CALHM5: variants seen among roughly 807,000 people sequenced by gnomAD.
The protein encoded by CALHM5 is calcium homeostasis modulator protein 5.
Under a neutral mutation model 20.9 loss-of-function variants are expected in CALHM5, and 17 were observed. That is an observed-to-expected ratio of 0.82 (90% CI 0.56 to 1.22). CALHM5 has a LOEUF of 1.22. Among genes scored for constraint, CALHM5 ranks in the 50% most tolerant of loss-of-function variants. The pLI is 0.00. For missense variants in CALHM5, 360 were observed against 364.6 expected (o/e 0.99, Z 0.10); for synonymous variants, 148 against 140.0 (o/e 1.06, Z -0.40).
rs1279117759 is a variant in CALHM5, at chr6:116,516,240, A to G, written c.*251A>G. ...GCTCAGTAGGCCTAAATGTTGCTCC[A>G]AGATCTAAGATTTTATCATTCAACA... On this transcript the variant is annotated 3_prime_UTR_variant, in exon 2 of 2. Coordinates refer to ENST00000368599, the MANE Select transcript of CALHM5 (RefSeq NM_153711.5). The G allele has an allele frequency of 1.1e-5, 4 of 361,512 alleles. No individual in the cohort carries two copies. The East Asian group carries it at 1.3e-4, about 12-fold the overall frequency. 22.4% of individuals were successfully genotyped at this position (361,512 alleles called of 1,614,324 possible).
rs1772385737 is a variant in CALHM5, at chr6:116,523,597, A to T, written c.*7608A>T. 6.6e-6 allele frequency: 1 copy of T among 152,194 alleles called. No individual in the cohort carries two copies. Among genetic ancestry groups the T allele is most frequent in the Non-Finnish European group, 1.5e-5 (1 of 68,032 alleles). 9.4% of individuals were successfully genotyped at this position (152,194 alleles called of 1,614,324 possible). Reference sequence around the variant, plus strand: ...TTAGGTGAAAGCAGAATGGGGTCAGACCTATGCAATTTGAAGCCACTCATC... The same window carrying T: ...TTAGGTGAAAGCAGAATGGGGTCAGTCCTATGCAATTTGAAGCCACTCATC... On this transcript the variant is annotated 3_prime_UTR_variant, in exon 2 of 2. Transcript: ENST00000368599.
chr6:116,512,159 A>G lies in CALHM5; in HGVS notation c.463A>G (p.Lys155Glu). The G allele has an allele frequency of 1.9e-6, 3 of 1,613,164 alleles. No individual in the cohort carries two copies. Among genetic ancestry groups the G allele is most frequent in the Non-Finnish European group, 2.5e-6 (3 of 1,179,970 alleles). Residue 155 changes from lysine (K) to glutamate (E), a missense_variant, in exon 1 of 2, where the codon AAA becomes GAA. Coordinates refer to ENST00000368599, the MANE Select transcript of CALHM5 (RefSeq NM_153711.5). ...CAAAGAGTGCTGGGAAGAACTTCAC[A>G]AAGTATCTTGTGGCAAAACTAGCAT... ...KPKECWEELH[K>E]VSCGKTSMLP...
rs1772253353 is a variant in CALHM5 at position 116,517,593 on chromosome 6, C to T, written c.*1604C>T. 6.6e-6 allele frequency: 1 copy of T among 152,120 alleles called. No homozygotes were observed. Among genetic ancestry groups the T allele is most frequent in the African/African-American group, 2.4e-5 (1 of 41,410 alleles). The allele number at this position is 152,120 out of a possible 1,614,324, so 9.4% of individuals were successfully genotyped here. The stretch of plus-strand genomic sequence containing the variant: ...AATCCTACAAGTATAGGACCCAGAA[C>T]ATATCTATGTTATTGTCATTTACAA... On this transcript the variant is annotated 3_prime_UTR_variant, in exon 2 of 2. Coordinates refer to ENST00000368599, the MANE Select transcript of CALHM5 (RefSeq NM_153711.5).
rs1772361700 is a variant in CALHM5 at position 116,522,366 on chromosome 6, T to C, written c.*6377T>C. The C allele has an allele frequency of 6.6e-6, 1 of 152,222 alleles. No homozygotes were observed. The highest frequency in any genetic ancestry group is 2.1e-4 in the South Asian group (1 of 4,830). 9.4% of individuals were successfully genotyped at this position (152,222 alleles called of 1,614,324 possible). A position where few individuals can be genotyped will look rare whatever the true frequency, so the allele number is the denominator to read the frequency against. ...TTTAAGCCACTGAATTTTGGGGCAA[T>C]ATGAAGCGACAGAACCTGAACACTA... On this transcript the variant is annotated 3_prime_UTR_variant, in exon 2 of 2. Coordinates refer to ENST00000368599, the MANE Select transcript of CALHM5 (RefSeq NM_153711.5).
In CALHM5 at chr6:116,521,928, C is replaced by A. The variant is rs1772350126; in HGVS notation, c.*5939C>A. On this transcript the variant is annotated 3_prime_UTR_variant, in exon 2 of 2. Transcript: ENST00000368599. ...TCTCTTACAATGTTGCAATGCTCAACAGTCTGGTAAAAGCCACTATGTAAG... is the reference window on the plus strand; with the variant it reads ...TCTCTTACAATGTTGCAATGCTCAAAAGTCTGGTAAAAGCCACTATGTAAG... 1 of 152,130 alleles carries A rather than the reference C, an allele frequency of 6.6e-6. No homozygotes were observed. Among genetic ancestry groups the A allele is most frequent in the Non-Finnish European group, 1.5e-5 (1 of 68,030 alleles). 9.4% of individuals were successfully genotyped at this position (152,130 alleles called of 1,614,324 possible). A position where few individuals can be genotyped will look rare whatever the true frequency, so the allele number is the denominator to read the frequency against.
In CALHM5 at chr6:116,515,694, T is replaced by C; in HGVS notation, c.635T>C (p.Leu212Pro). The C allele has an allele frequency of 1.2e-6, 2 of 1,614,006 alleles. No homozygotes were observed. The highest frequency in any genetic ancestry group is 1.7e-6 in the Non-Finnish European group (2 of 1,179,920). Residue 212 changes from leucine to proline, a missense_variant, in exon 2 of 2, where the codon CTG (leucine) becomes CCG (proline). Physicochemically the swap from Leu to Pro is moderately conservative, Grantham distance 98 (BLOSUM62 -3). Transcript: ENST00000368599. ...RCRSKVSYLQLSFWKTYAQKE... is the reference protein window; with the variant it reads ...RCRSKVSYLQPSFWKTYAQKE... ...CGATCTAAAGTTAGCTACCTTCAGC[T>C]GAGTTTTTGGAAGACATATGCACAA... is the stretch of plus-strand genomic sequence containing the variant.
chr6:116,514,922 A>T (rs1772193497), intron 1 of CALHM5, among the ~76,000 whole-genome samples: 1 of 152,242 alleles, frequency 6.6e-6, no homozygotes, highest in African/African-American at 2.4e-5. Context: ...GAGCCAAAAA[A>T]GTTAGAAGAT....
rs1772375226 is a variant in CALHM5, at chr6:116,523,087, G to C, written c.*7098G>C. The C allele has an allele frequency of 6.6e-6, 1 of 151,914 alleles. No homozygotes were observed. Among genetic ancestry groups the C allele is most frequent in the African/African-American group, 2.4e-5 (1 of 41,308 alleles). The allele number at this position is 151,914 out of a possible 1,614,324, so 9.4% of individuals were successfully genotyped here. A position where few individuals can be genotyped will look rare whatever the true frequency, so the allele number is the denominator to read the frequency against. On this transcript the variant is annotated 3_prime_UTR_variant, in exon 2 of 2. Coordinates refer to ENST00000368599, the MANE Select transcript of CALHM5 (RefSeq NM_153711.5). The stretch of plus-strand genomic sequence containing the variant: ...GTTCTCAGGTGATACTGATGCTGCT[G>C]GTCTAGGGACTACATCTTGAAAATA...
rs558078804 is a variant in CALHM5, at chr6:116,519,553, TA to T, written c.*3566del. ...CCAATGGTCATACTAATGTTTGCCA[TA>T]ACAGTCTCTTCTAGGTCTAGACTTG... On this transcript the variant is annotated 3_prime_UTR_variant, in exon 2 of 2. Transcript: ENST00000368599. The T allele has an allele frequency of 2.0e-5, 3 of 152,332 alleles. No homozygotes were observed. In the South Asian group the frequency reaches 6.2e-4, roughly 32 times the overall value. The allele number at this position is 152,332 out of a possible 1,614,324, so 9.4% of individuals were successfully genotyped here. A position where few individuals can be genotyped will look rare whatever the true frequency, so the allele number is the denominator to read the frequency against.
In CALHM5 at chr6:116,515,670, G is replaced by T; in HGVS notation, c.611G>T (p.Arg204Leu). 6.2e-7 allele frequency: 1 copy of T among 1,613,930 alleles called. No individual in the cohort carries two copies. The highest frequency in any genetic ancestry group is 1.7e-4 in the Middle Eastern group (1 of 6,060). The change falls in exon 2 of 2, where the codon CGA (arginine) becomes CTA (leucine). Residue 204 changes from arginine (R) to leucine (L), a missense_variant. By Grantham distance (102) the Arg-to-Leu change is moderately radical. Transcript: ENST00000368599. ...CTCACCACATGTTATGCTCGCTGCC[G>T]ATCTAAAGTTAGCTACCTTCAGCTG... ...SLLTTCYARC[R>L]SKVSYLQLSF...
At position 116,523,564 on chromosome 6, in the gene CALHM5, C is replaced by A. The variant is rs1772384984; in HGVS notation, c.*7575C>A. 1.3e-5 allele frequency: 2 copies of A among 152,068 alleles called. No homozygotes were observed. Among genetic ancestry groups the A allele is most frequent in the African/African-American group, 4.8e-5 (2 of 41,394 alleles). 9.4% of individuals were successfully genotyped at this position (152,068 alleles called of 1,614,324 possible). ...GGATCTAGACAATAAATAATGAATT[C>A]TAAACTATTAGGTGAAAGCAGAATG... is the stretch of plus-strand genomic sequence containing the variant. On this transcript the variant is annotated 3_prime_UTR_variant, in exon 2 of 2. Coordinates refer to ENST00000368599, the MANE Select transcript of CALHM5 (RefSeq NM_153711.5).
Position 116,518,093 on chromosome 6 carries a change from T to G in CALHM5, c.*2104T>G, listed in dbSNP as rs1365326238. 6.6e-6 allele frequency: 1 copy of G among 152,158 alleles called. No individual in the cohort carries two copies. The highest frequency in any genetic ancestry group is 1.5e-5 in the Non-Finnish European group (1 of 68,030). 9.4% of individuals were successfully genotyped at this position (152,158 alleles called of 1,614,324 possible). A position where few individuals can be genotyped will look rare whatever the true frequency, so the allele number is the denominator to read the frequency against. ...GATGATAGTAAATAAAGCCCTTTCC[T>G]GAGTTCTGTGAGCTACTCTAGCAAA... is the stretch of plus-strand genomic sequence containing the variant. On this transcript the variant is annotated 3_prime_UTR_variant, in exon 2 of 2. Coordinates refer to ENST00000368599, the MANE Select transcript of CALHM5 (RefSeq NM_153711.5).
intron 1 of CALHM5, 21 bp from the exon 2 acceptor site, chr6:116,515,579 C>A (rs896145016): frequency 6.3e-7 from 1 of 1,590,724 alleles, no homozygotes; most frequent in Non-Finnish European, 8.6e-7. Flanking sequence ...CGTGTGTACT[C>A]AATATTTCTT....
At position 116,521,513 on chromosome 6, in the gene CALHM5, A is replaced by AGAGG. The variant is rs1214913388; in HGVS notation, c.*5528_*5531dup. On this transcript the variant is annotated 3_prime_UTR_variant, in exon 2 of 2. Coordinates refer to ENST00000368599, the MANE Select transcript of CALHM5 (RefSeq NM_153711.5). ...TTGGTGACCCAACTCGAGTGGAGAG[A>AGAGG]GAGGGAGAGAGAGAGAGACAGAGAG... 3.4e-5 allele frequency: 4 copies of AGAGG among 118,444 alleles called. No homozygotes were observed. Among genetic ancestry groups the AGAGG allele is most frequent in the Non-Finnish European group, 7.9e-5 (4 of 50,454 alleles). The allele number at this position is 118,444 out of a possible 1,614,324, so 7.3% of individuals were successfully genotyped here. A position where few individuals can be genotyped will look rare whatever the true frequency, so the allele number is the denominator to read the frequency against.
rs1772366747 is a variant in CALHM5, at chr6:116,522,682, G to A, written c.*6693G>A. 6.6e-6 allele frequency: 1 copy of A among 152,100 alleles called. No individual in the cohort carries two copies. Among genetic ancestry groups the A allele is most frequent in the Non-Finnish European group, 1.5e-5 (1 of 68,006 alleles). The allele number at this position is 152,100 out of a possible 1,614,324, so 9.4% of individuals were successfully genotyped here. A position where few individuals can be genotyped will look rare whatever the true frequency, so the allele number is the denominator to read the frequency against. The stretch of plus-strand genomic sequence containing the variant: ...GGAGTAACACATTAAACTATTATTT[G>A]TCATTAATATCTACGAAAAAATAGC... On this transcript the variant is annotated 3_prime_UTR_variant, in exon 2 of 2. Coordinates refer to ENST00000368599, the MANE Select transcript of CALHM5 (RefSeq NM_153711.5).
rs972897960 is a variant in CALHM5 at position 116,516,504 on chromosome 6, T to C, written c.*515T>C. ...GATCTCAGTTCTCAAAAATCACAAG[T>C]TGCAAGAATATGATACCTAAAATTG... On this transcript the variant is annotated 3_prime_UTR_variant, in exon 2 of 2. Transcript: ENST00000368599. 6.6e-6 allele frequency: 1 copy of C among 152,080 alleles called. No individual in the cohort carries two copies. Among genetic ancestry groups the C allele is most frequent in the African/African-American group, 2.4e-5 (1 of 41,376 alleles). 9.4% of individuals were successfully genotyped at this position (152,080 alleles called of 1,614,324 possible).
At chr6:116,513,542 C>T (rs1026980318) in intron 1 of CALHM5, among the ~76,000 whole-genome samples, 1 of 152,172 alleles carries the variant, frequency 6.6e-6, no homozygotes, top group Non-Finnish European at 1.5e-5. Flanking sequence ...AAATCTTGCA[C>T]ATCATGTCAT....
At chr6:116,514,456 T>C (rs1236789251) in intron 1 of CALHM5, among the ~76,000 whole-genome samples, 3 of 152,238 alleles carry the variant, frequency 2.0e-5, no homozygotes, top group Non-Finnish European at 1.5e-5. Context: ...CATAAGTGTA[T>C]ATATATTTGA....
rs1012942501 is a variant in CALHM5 at position 116,517,269 on chromosome 6, A to G, written c.*1280A>G. 2 of 152,164 alleles carry G rather than the reference A, an allele frequency of 1.3e-5. No homozygotes were observed. Among genetic ancestry groups the G allele is most frequent in the Non-Finnish European group, 1.5e-5 (1 of 68,040 alleles). 9.4% of individuals were successfully genotyped at this position (152,164 alleles called of 1,614,324 possible). On this transcript the variant is annotated 3_prime_UTR_variant, in exon 2 of 2. Transcript: ENST00000368599. ...ATAGTAGGGTAAATTGACCTTGGCT[A>G]AAGGTCTGGGGACACTGTCCAAAGC...
Sources: gnomAD v4.1 joint callset for allele counts (sites outside exome capture counted in the v4.1 genomes callset) on GRCh38, gnomAD v4.1.1 for gene constraint, MANE v1.5 for transcripts, NCBI Gene and HGNC (gene_info 2026-07-23, HGNC 2026-07-21) for gene names.